Variants in FSTL5 observed in about 807,000 individuals in gnomAD.
FSTL5 encodes follistatin-related protein 5.
FSTL5 carries 62 observed loss-of-function variants against 89.1 expected under a neutral mutation model. The ratio of observed to expected loss-of-function variants is 0.70; its 90% CI spans 0.57 to 0.86. The LOEUF (loss-of-function observed/expected upper bound fraction) is 0.86, where lower values mean the gene tolerates loss of function less well. FSTL5 is among the 40% of genes least tolerant of loss of function. FSTL5 has a pLI of 0.00. For missense variants in FSTL5, 1,057 were observed against 1,001.6 expected (o/e 1.06, Z -0.75); for synonymous variants, 383 against 346.2 (o/e 1.11, Z -1.18).
At chr4:161,953,664 T>G (rs895030004) in intron 3 of FSTL5, among the ~76,000 whole-genome samples, 27 of 151,694 alleles carry the variant, frequency 1.8e-4, no homozygotes, top group Middle Eastern at 3.4e-3. Context: ...TTACACAATT[T>G]TAGTTAGCCA....
chr4:161,466,025 T>A (rs778721354), intron 13 of FSTL5, among the ~76,000 whole-genome samples: 1 of 152,186 alleles, frequency 6.6e-6, no homozygotes, highest in Non-Finnish European at 1.5e-5. Flanking sequence ...CTGTTTTCAG[T>A]GTTATATTGT....
chr4:161,494,118 G>A (rs1464324623), intron 12 of FSTL5, among the ~76,000 whole-genome samples: 3 of 152,094 alleles, frequency 2.0e-5, no homozygotes, highest in Non-Finnish European at 4.4e-5. Context: ...ATAGTTAGAA[G>A]TAGTTTACAT....
chr4:161,909,947 A>G (rs1733643754), intron 4 of FSTL5, among the ~76,000 whole-genome samples: 1 of 152,178 alleles, frequency 6.6e-6, no homozygotes, highest in African/African-American at 2.4e-5. Context: ...GTAGTTATCA[A>G]GAGGAAGAAG....
intron 4 of FSTL5, among the ~76,000 whole-genome samples, chr4:161,853,798 T>C (rs2126883429): frequency 6.6e-6 from 1 of 152,224 alleles, no homozygotes; most frequent in Middle Eastern, 3.4e-3. Flanking sequence ...TCATTAAAAA[T>C]GGTTTACCCA....
intron 15 of FSTL5, among the ~76,000 whole-genome samples, chr4:161,434,480 A>G (rs1353707251): frequency 2.0e-5 from 3 of 151,936 alleles, no homozygotes; most frequent in Non-Finnish European, 4.4e-5. Flanking sequence ...AGGAAACTCA[A>G]TGGAGTTGAG....
At chr4:161,944,512 C>A (rs1445323822) in intron 3 of FSTL5, among the ~76,000 whole-genome samples, 2 of 151,782 alleles carry the variant, frequency 1.3e-5, no homozygotes, top group Non-Finnish European at 2.9e-5. Flanking sequence ...CAGACATAAA[C>A]AATATACTAT....
At chr4:161,991,717 G>C (rs1442298569) in intron 3 of FSTL5, among the ~76,000 whole-genome samples, 1 of 152,090 alleles carries the variant, frequency 6.6e-6, no homozygotes, top group Non-Finnish European at 1.5e-5. Flanking sequence ...ATGGATTTTG[G>C]TACATGCAGG....
At chr4:162,081,976 G>A (rs1239849327) in intron 2 of FSTL5, among the ~76,000 whole-genome samples, 1 of 151,474 alleles carries the variant, frequency 6.6e-6, no homozygotes, top group Non-Finnish European at 1.5e-5. Flanking sequence ...GAACACACAG[G>A]ATTTTAAATG....
intron 2 of FSTL5, among the ~76,000 whole-genome samples, chr4:162,070,536 GAT>G (rs1729574753): frequency 6.6e-6 from 1 of 151,686 alleles, no homozygotes; most frequent in South Asian, 2.1e-4. Context: ...AATATTGTGG[GAT>G]ATAGGAGTCT....
intron 3 of FSTL5, among the ~76,000 whole-genome samples, chr4:161,954,166 T>C (rs1734968659): frequency 6.6e-6 from 1 of 151,728 alleles, no homozygotes; most frequent in Non-Finnish European, 1.5e-5. Flanking sequence ...TTTTAAAGGA[T>C]TTAAATCACT....
At chr4:161,631,722 GAACCTC>G (rs1735512616) in intron 7 of FSTL5, among the ~76,000 whole-genome samples, 2 of 152,156 alleles carry the variant, frequency 1.3e-5, no homozygotes, top group South Asian at 4.1e-4. Context: ...GGGTGCCATA[GAACCTC>G]TTCTGACACA....
chr4:161,772,766 C>T (rs1167541208), intron 5 of FSTL5, among the ~76,000 whole-genome samples: 4 of 152,090 alleles, frequency 2.6e-5, no homozygotes, highest in Non-Finnish European at 5.9e-5. Flanking sequence ...AATGACCATA[C>T]TTCCAAAAGC....
At chr4:161,501,263 G>C (rs1358560695) in intron 11 of FSTL5, among the ~76,000 whole-genome samples, 1 of 151,896 alleles carries the variant, frequency 6.6e-6, no homozygotes, top group Admixed American at 6.6e-5. Context: ...GTGATCTCCT[G>C]GAAGATTCAG....
intron 2 of FSTL5, chr4:162,035,350 T>C (rs1199249372): frequency 6.6e-6 from 1 of 152,104 alleles, no homozygotes; most frequent in Admixed American, 6.6e-5. Flanking sequence ...ACTGAAATTA[T>C]ACATGTAGCC....
intron 5 of FSTL5, 59 bp from the exon 6 acceptor site, chr4:161,759,590 A>C: frequency 9.5e-7 from 1 of 1,057,600 alleles, no homozygotes; most frequent in Non-Finnish European, 1.3e-6. Flanking sequence ...TCTATAATAT[A>C]ATTTATTATA....
chr4:161,723,079 C>T (rs886774798), intron 6 of FSTL5, among the ~76,000 whole-genome samples: 2 of 152,054 alleles, frequency 1.3e-5, no homozygotes, highest in Non-Finnish European at 2.9e-5. Context: ...AATAAGAATG[C>T]ATCTTTATAA....
intron 1 of FSTL5, among the ~76,000 whole-genome samples, chr4:162,113,637 T>G (rs1000176365): frequency 1.3e-5 from 2 of 152,212 alleles, no homozygotes; most frequent in Non-Finnish European, 2.9e-5. Context: ...AGATATCACC[T>G]CCTGCGACAC....
chr4:161,780,050 G>T (rs1043569720), intron 4 of FSTL5, among the ~76,000 whole-genome samples: 19 of 148,550 alleles, frequency 1.3e-4, no homozygotes, highest in African/African-American at 4.6e-4. Context: ...AACAAAATAT[G>T]TCCCTCGGAG....
chr4:161,962,165 T>C (rs1269501711), intron 3 of FSTL5, among the ~76,000 whole-genome samples: 1 of 151,998 alleles, frequency 6.6e-6, no homozygotes, highest in East Asian at 1.9e-4. Context: ...TTCTACTCTA[T>C]TATCACATTT....
Sources: allele counts gnomAD v4.1 joint callset (sites outside exome capture counted in the v4.1 genomes callset), GRCh38; gene constraint gnomAD v4.1.1; transcripts MANE v1.5; gene names NCBI Gene and HGNC (gene_info 2026-07-23, HGNC 2026-07-21).